GPHN: variants seen among roughly 807,000 people sequenced by gnomAD.
The protein encoded by GPHN is gephyrin.
GPHN carries 17 observed loss-of-function variants against 95.5 expected under a neutral mutation model. The observed-to-expected ratio is 0.18, with a 90% CI of 0.12 to 0.27. The LOEUF (loss-of-function observed/expected upper bound fraction) is 0.27. Among genes scored for constraint, GPHN ranks in the 10% least tolerant of loss-of-function variants. The pLI, the probability that GPHN is intolerant of heterozygous loss-of-function variation, is 1.00. For missense variants in GPHN, 660 were observed against 978.1 expected (o/e 0.67, Z 4.34); for synonymous variants, 320 against 322.5 (o/e 0.99, Z 0.08).
rs531102437 is a variant in GPHN, at chr14:67,053,607, A to G, written c.1007-5042A>G. 3.9e-4 allele frequency among the ~76,000 whole-genome samples: 60 copies of G among 152,352 alleles called. No homozygotes were observed. In the East Asian group the frequency reaches 0.011, roughly 28 times the overall value. ...AAAAGGAGGGACTCCTCTCTGACTC[A>G]TTTTATGAGGCCAGCATCATCCTGA... On this transcript the variant is annotated intron_variant, in intron 10 of 22. Transcript: ENST00000478722.
chr14:67,585,894 C>A, the GPHN span: 1 of 1,556,310 alleles, frequency 6.4e-7, no homozygotes, highest in Non-Finnish European at 8.7e-7. Context: ...GATGCTGGTT[C>A]CTAGCTCAGG....
the GPHN span, chr14:67,729,685 G>A: frequency 5.2e-6 from 3 of 571,596 alleles, no homozygotes; most frequent in South Asian, 4.8e-5. Flanking sequence ...GATCTGGATC[G>A]TTTTTCTCCT....
At chr14:67,135,091 C>T (rs554270163) in intron 17 of GPHN, among the ~76,000 whole-genome samples, 34 of 149,872 alleles carry the variant, frequency 2.3e-4, no homozygotes, top group Admixed American at 1.3e-4. Context: ...TCCTGAGTAA[C>T]GGGCATTACG....
intron 9 of GPHN, among the ~76,000 whole-genome samples, chr14:66,977,170 G>A (rs1354637440): frequency 6.6e-6 from 1 of 152,150 alleles, no homozygotes; most frequent in Non-Finnish European, 1.5e-5. Flanking sequence ...GGTGGCTCAT[G>A]CCTGTAATCC....
At chr14:67,695,705 T>C in the GPHN span, 6 of 1,613,986 alleles carry the variant, frequency 3.7e-6, no homozygotes, top group Non-Finnish European at 3.4e-6. Flanking sequence ...CTCAACCATC[T>C]CTGCCGGCTG....
At chr14:67,197,865 G>GT in the GPHN span, among the ~76,000 whole-genome samples, 2,993 of 152,170 alleles carry the variant, frequency 0.02, 41 homozygotes, top group Middle Eastern at 0.034. Flanking sequence ...ATATGTATCT[G>GT]TTTTCAAGTC....
the GPHN span, among the ~76,000 whole-genome samples, chr14:67,234,880 G>A: frequency 1.4e-4 from 21 of 151,138 alleles, no homozygotes; most frequent in East Asian, 3.8e-3. Flanking sequence ...TTCAGGCCGG[G>A]TGCGGTGGCT....
At chr14:67,582,447 A>G in the GPHN span, among the ~76,000 whole-genome samples, 2 of 152,132 alleles carry the variant, frequency 1.3e-5, no homozygotes, top group African/African-American at 2.4e-5. This position sits in a 1 kb window ranked among gnomAD's most constrained non-coding sequence, Gnocchi z 5.0. Context: ...TTTGAGTCCT[A>G]TATACCTTCC....
the GPHN span, among the ~76,000 whole-genome samples, chr14:67,230,441 C>G: frequency 6.6e-6 from 1 of 151,890 alleles, no homozygotes; most frequent in Non-Finnish European, 1.5e-5. Context: ...GTATGATGGC[C>G]CATATCTATA....
the GPHN span, among the ~76,000 whole-genome samples, chr14:67,418,309 CCA>C: frequency 2.1e-3 from 317 of 152,286 alleles, 2 homozygotes; most frequent in African/African-American, 7.3e-3. Flanking sequence ...TTCCACTACT[CCA>C]CACAGTCTTC....
intron 1 of GPHN, among the ~76,000 whole-genome samples, chr14:66,548,566 C>T (rs116918622): frequency 0.013 from 2,023 of 152,280 alleles, 20 homozygotes; most frequent in Middle Eastern, 0.02. Context: ...CTTCCACCGA[C>T]GAGCAGTTTC....
chr14:67,380,080 A>T, the GPHN span, among the ~76,000 whole-genome samples: 6 of 152,046 alleles, frequency 3.9e-5, no homozygotes, highest in Non-Finnish European at 7.4e-5. Context: ...ACTTTTTTAC[A>T]ATAGTTCTAC....
the GPHN span, among the ~76,000 whole-genome samples, chr14:67,724,099 T>C: frequency 6.7e-6 from 1 of 149,902 alleles, no homozygotes; most frequent in Non-Finnish European, 1.5e-5. Context: ...CTAATGTTTA[T>C]CATGCATATG....
intron 4 of GPHN, among the ~76,000 whole-genome samples, chr14:66,834,679 G>T (rs1380635604): frequency 5.3e-5 from 8 of 151,752 alleles, no homozygotes; most frequent in African/African-American, 1.9e-4. Context: ...GAGGATTTTT[G>T]CATCAATGTT....
chr14:67,392,474 G>C, the GPHN span: 1 of 1,441,810 alleles, frequency 6.9e-7, no homozygotes, highest in Non-Finnish European at 9.8e-7. Flanking sequence ...AAAGACCCAG[G>C]CCCAGGCTAT....
the GPHN span, among the ~76,000 whole-genome samples, chr14:67,354,935 T>A: frequency 6.6e-6 from 1 of 152,168 alleles, no homozygotes; most frequent in African/African-American, 2.4e-5. Context: ...TGCCTCAGCA[T>A]CCCGAGTAGC....
At chr14:67,133,392 T>C (rs1014816292) in intron 17 of GPHN, among the ~76,000 whole-genome samples, 1 of 152,196 alleles carries the variant, frequency 6.6e-6, no homozygotes, top group African/African-American at 2.4e-5. Context: ...AAAATAGAAA[T>C]GTATTTGCAT....
At chr14:67,367,352 T>A in the GPHN span, among the ~76,000 whole-genome samples, 42 of 152,302 alleles carry the variant, frequency 2.8e-4, no homozygotes, top group African/African-American at 9.6e-4. Context: ...TGTCTCAGCC[T>A]CCAGAGTAGC....
intron 2 of GPHN, among the ~76,000 whole-genome samples, chr14:66,728,712 T>C (rs937277194): frequency 1.3e-5 from 2 of 152,220 alleles, no homozygotes; most frequent in Non-Finnish European, 1.5e-5. Context: ...AGTAACTAAA[T>C]TGCTTTTGAT....
Sources: gnomAD v4.1 joint callset for allele counts (sites outside exome capture counted in the v4.1 genomes callset) on GRCh38, gnomAD v4.1.1 for gene constraint, Gnocchi (gnomAD v3.1) non-coding constraint, MANE v1.5 for transcripts, NCBI Gene and HGNC (gene_info 2026-07-23, HGNC 2026-07-21) for gene names.